WDFY3: variants seen among roughly 807,000 people sequenced by gnomAD.
WDFY3 encodes the protein WD repeat and FYVE domain-containing protein 3.
WDFY3 carries 66 observed loss-of-function variants against 409.6 expected under a neutral mutation model. The observed-to-expected ratio is 0.16, with a 90% CI of 0.13 to 0.20. The LOEUF is 0.20. WDFY3 is among the 10% of genes least tolerant of loss of function. The pLI is 1.00. For missense variants in WDFY3, 3,031 were observed against 4,298.1 expected, an observed-to-expected ratio of 0.71 and a Z score of 8.24; for synonymous variants, 1,521 against 1,537.1, an observed-to-expected ratio of 0.99 and a Z score of 0.25.
At chr4:84,911,516 A>C (rs1048826475) in intron 2 of WDFY3, among the ~76,000 whole-genome samples, 2 of 152,110 alleles carry the variant, frequency 1.3e-5, no homozygotes, top group Non-Finnish European at 2.9e-5. Flanking sequence ...AAAGGAGCAA[A>C]TTACATGAAC....
At chr4:84,707,871 T>TA (rs1240817531) in intron 53 of WDFY3, among the ~76,000 whole-genome samples, 1 of 152,116 alleles carries the variant, frequency 6.6e-6, no homozygotes, top group Non-Finnish European at 1.5e-5. Flanking sequence ...CCCATGCATA[T>TA]AGGGTGGATT....
intron 32 of WDFY3, among the ~76,000 whole-genome samples, 161 bp downstream of exon 32, chr4:84,765,649 A>G (rs1743502114): frequency 6.6e-6 from 1 of 152,212 alleles, no homozygotes; most frequent in Admixed American, 6.5e-5. Context: ...GCCATTTAAA[A>G]GGACTAATTT....
rs1454466756 is a variant in WDFY3 at position 84,801,733 on chromosome 4, A to G, written c.2739T>C (p.Ala913=). 1 of 1,613,592 alleles carries G rather than the reference A, an allele frequency of 6.2e-7. No individual in the cohort carries two copies. ...GCGGGTGCAGTGAGTGGTCCTCATC[A>G]GCCAATGCAGCACTGCACCTCTGCA... ...RLLQRCSAAL[A]DEDHSLHPPL... is the part of the protein sequence containing the mutation. Residue 913 remains alanine (A), a synonymous_variant, in exon 17 of 68, where the codon GCT becomes GCC. Coordinates refer to ENST00000295888, the MANE Select transcript of WDFY3 (RefSeq NM_014991.6).
Position 84,787,616 on chromosome 4 carries a change from C to A in WDFY3, c.3767G>T (p.Arg1256Leu). 1 of 1,614,094 alleles carries A rather than the reference C, an allele frequency of 6.2e-7. No individual in the cohort carries two copies. Among genetic ancestry groups the A allele is most frequent in the Non-Finnish European group, 8.5e-7 (1 of 1,180,022 alleles). The change falls in exon 23 of 68, where the codon CGC (arginine) becomes CTC (leucine). Residue 1256 changes from arginine to leucine, a missense_variant. Arg to Leu is a moderately radical substitution (Grantham distance 102, BLOSUM62 -2). Around this residue, in one of 16 missense-constraint regions of WDFY3, gnomAD observed 1,322 missense variants for 1,697.9 expected, o/e 0.78. Coordinates refer to ENST00000295888, the MANE Select transcript of WDFY3 (RefSeq NM_014991.6). ...YAYIGTPPAQRQIASLVWRLG... is the reference protein window; with the variant it reads ...YAYIGTPPAQLQIASLVWRLG... ...GCGCCAAACCAATGAGGCAATTTGG[C>A]GTTGGGCAGGTGGAGTACCAATGTA...
At chr4:84,880,965 C>T (rs770441276) in intron 3 of WDFY3, among the ~76,000 whole-genome samples, 15 of 151,510 alleles carry the variant, frequency 9.9e-5, no homozygotes, top group South Asian at 8.4e-4. Context: ...TTAAGTGATC[C>T]GCCCTCCTCG....
chr4:84,902,775 T>C (rs148846411), intron 2 of WDFY3, among the ~76,000 whole-genome samples: 182 of 152,358 alleles, frequency 1.2e-3, no homozygotes, highest in African/African-American at 4.4e-3. Context: ...AGTGATACTA[T>C]GTGACTTATA....
intron 46 of WDFY3, 62 bp downstream of exon 46, chr4:84,724,364 T>C (rs1479269223): frequency 1.3e-6 from 2 of 1,535,332 alleles, no homozygotes; most frequent in Non-Finnish European, 1.8e-6. Context: ...AATTTTTGTA[T>C]GAATTCAAAT....
At chr4:84,858,192 A>G (rs1760037741) in intron 4 of WDFY3, among the ~76,000 whole-genome samples, 1 of 152,212 alleles carries the variant, frequency 6.6e-6, no homozygotes, top group Non-Finnish European at 1.5e-5. Context: ...TAAGTGCTGT[A>G]AGTATATTAT....
chr4:84,740,802 A>AT lies in WDFY3; in HGVS notation c.6235-387dup, dbSNP rs200479382. Among the ~76,000 whole-genome samples the AT allele has an allele frequency of 4.8e-3, 731 of 150,968 alleles. 6 individuals carry two copies. The highest frequency in any genetic ancestry group is 0.021 in the Middle Eastern group (6 of 288). ...AAAAAATTAAGATGTTACTAAAATC[A>AT]TTTTTTTTTGACATTCTAATTTCAT... On this transcript the variant is annotated intron_variant, in intron 38 of 67. Transcript: ENST00000295888.
In WDFY3 at chr4:84,741,802, A is replaced by C; in HGVS notation, c.6193T>G (p.Ser2065Ala). The C allele has an allele frequency of 6.2e-7, 1 of 1,612,804 alleles. No individual in the cohort carries two copies. Among genetic ancestry groups the C allele is most frequent in the Non-Finnish European group, 8.5e-7 (1 of 1,179,092 alleles). The change falls in exon 38 of 68, where the codon TCT becomes GCT. Residue 2065 changes from serine to alanine, a missense_variant. By Grantham distance (99) the Ser-to-Ala change is moderately conservative. Around this residue, in one of 16 missense-constraint regions of WDFY3, gnomAD observed 314 missense variants for 397.4 expected, o/e 0.79. Coordinates refer to ENST00000295888, the MANE Select transcript of WDFY3 (RefSeq NM_014991.6). ...ATTATAAAATCTATAAGAAGTTTAG[A>C]TTCTTTGTTGAACATGCCTTGCCAA... ...KLWQGMFNKESKLLIDFIIQL... is the reference protein window; with the variant it reads ...KLWQGMFNKEAKLLIDFIIQL...
Position 84,966,517 on chromosome 4 carries a change from CG to C in WDFY3, c.-535del. Reference sequence around the variant, plus strand: ...CGCGTCCTCGTCCTCGCTGGGTCCCCGCCGCCGCCGCCTCAGCCTCGGCGCT... The same window carrying C: ...CGCGTCCTCGTCCTCGCTGGGTCCCCCCGCCGCCGCCTCAGCCTCGGCGCT... On this transcript the variant is annotated 5_prime_UTR_variant, in exon 1 of 68. The change abolishes the stop of an existing upstream ORF in the 5' untranslated region. Coordinates refer to ENST00000295888, the MANE Select transcript of WDFY3 (RefSeq NM_014991.6). The C allele has an allele frequency of 6.3e-6, 1 of 157,512 alleles. No individual in the cohort carries two copies. Among genetic ancestry groups the C allele is most frequent in the Non-Finnish European group, 1.4e-5 (1 of 70,738 alleles). The allele number at this position is 157,512 out of a possible 1,614,324, so 9.8% of individuals were successfully genotyped here.
At chr4:84,706,096 C>T (rs903243205) in intron 53 of WDFY3, among the ~76,000 whole-genome samples, 1 of 152,026 alleles carries the variant, frequency 6.6e-6, no homozygotes, top group Non-Finnish European at 1.5e-5. Context: ...TCTAGTTTAC[C>T]AGAGATCACT....
At chr4:84,803,825 G>A (rs187028937) in intron 15 of WDFY3, 111 of 164,224 alleles carry the variant, frequency 6.8e-4, no homozygotes, top group Admixed American at 1.5e-3. Flanking sequence ...CCAATAATAC[G>A]TGATGAGAGA....
rs1773085163 is a variant in WDFY3 at position 84,947,763 on chromosome 4, T to G, written c.-225-15400A>C. Among the ~76,000 whole-genome samples the G allele has an allele frequency of 2.7e-5, 4 of 147,902 alleles. No individual in the cohort carries two copies. The South Asian group carries it at 8.6e-4, about 32-fold the overall frequency. On this transcript the variant is annotated intron_variant, in intron 1 of 67. Coordinates refer to ENST00000295888, the MANE Select transcript of WDFY3 (RefSeq NM_014991.6). The stretch of plus-strand genomic sequence containing the variant: ...CAGGCATGGTGGCATGTGCCTGAAG[T>G]CCCAGCTACTCAGGGGCTTAAGGAG...
At position 84,691,710 on chromosome 4, in the gene WDFY3, A is replaced by T. The variant is rs977256869; in HGVS notation, c.9125T>A (p.Ile3042Asn). The change falls in exon 60 of 68, where the codon ATC (isoleucine) becomes AAC (asparagine). Residue 3042 changes from isoleucine (I) to asparagine (N), a missense_variant. Coordinates refer to ENST00000295888, the MANE Select transcript of WDFY3 (RefSeq NM_014991.6). ...AAAAGTTTTATTCCAGGTTGGTGGG[A>T]TAAGAACCTTATTCTGTTCCACCGC... ...ILAVEQNKVL[I>N]PPTWNKTFAW... 3.1e-6 allele frequency: 5 copies of T among 1,614,042 alleles called. No individual in the cohort carries two copies. Among genetic ancestry groups the T allele is most frequent in the Non-Finnish European group, 4.2e-6 (5 of 1,180,022 alleles).
intron 47 of WDFY3, among the ~76,000 whole-genome samples, chr4:84,720,680 A>C (rs908097256): frequency 1.3e-5 from 2 of 152,222 alleles, no homozygotes; most frequent in Non-Finnish European, 2.9e-5. Flanking sequence ...AGGCCTCATC[A>C]GAAGCCGAGC....
intron 32 of WDFY3, among the ~76,000 whole-genome samples, chr4:84,764,412 A>G (rs570462082): frequency 1.2e-4 from 19 of 152,342 alleles, no homozygotes; most frequent in South Asian, 2.1e-4. Flanking sequence ...ACCCATGATG[A>G]TCATTTAAAA....
At chr4:84,768,316 A>G (rs1158980847) in intron 30 of WDFY3, among the ~76,000 whole-genome samples, 1 of 152,146 alleles carries the variant, frequency 6.6e-6, no homozygotes, top group East Asian at 1.9e-4. Context: ...TTTTCCAACA[A>G]CTTCCTATTG....
Position 84,740,243 on chromosome 4 carries a change from A to G in WDFY3, c.6408T>C (p.His2136=). ...NRNLILGPGN[H]DQEFISCLAH... Reference sequence around the variant, plus strand: ...CCAGACAGCTAATGAATTCTTGGTCATGGTTCCCAGGTCCCAGGATCAAGT... The same window carrying G: ...CCAGACAGCTAATGAATTCTTGGTCGTGGTTCCCAGGTCCCAGGATCAAGT... The change falls in exon 39 of 68, where the codon CAT becomes CAC. Residue 2136 remains histidine (H), a synonymous_variant. Transcript: ENST00000295888. 1 of 1,614,112 alleles carries G rather than the reference A, an allele frequency of 6.2e-7. No individual in the cohort carries two copies. The highest frequency in any genetic ancestry group is 8.5e-7 in the Non-Finnish European group (1 of 1,180,016).
Sources: allele counts gnomAD v4.1 joint callset (sites outside exome capture counted in the v4.1 genomes callset), GRCh38; gene constraint gnomAD v4.1.1; regional missense constraint gnomAD v4.1.1; transcripts MANE v1.5; gene names NCBI Gene and HGNC (gene_info 2026-07-23, HGNC 2026-07-21).